The following CYB5R4 variants were observed in gnomAD, a reference collection of about 807,000 sequenced individuals.
The protein encoded by CYB5R4 is N-terminal cytochrome b5 and cytochrome b5 oxidoreductase domain-containing protein.
Under a neutral mutation model 70.2 loss-of-function variants are expected in CYB5R4, and 55 were observed. The observed-to-expected ratio is 0.78, with a 90% CI of 0.63 to 0.98. The LOEUF (loss-of-function observed/expected upper bound fraction) is 0.98. CYB5R4 is among the 50% of genes least tolerant of loss of function. The probability of loss-of-function intolerance (pLI) is 0.00; values close to 1 mark genes in which losing one functional copy is unlikely to be tolerated. For synonymous variants in CYB5R4, 197 were observed against 199.5 expected (o/e 0.99, Z 0.11); for missense variants, 562 against 612.6 (o/e 0.92, Z 0.87).
intron 10 of CYB5R4, among the ~76,000 whole-genome samples, chr6:83,932,115 T>C (rs2099468241): frequency 6.6e-6 from 1 of 152,148 alleles, no homozygotes; most frequent in Admixed American, 6.5e-5. Flanking sequence ...TCTTATCTTA[T>C]ATACTGCAGT....
At chr6:83,907,814 T>C (rs2129137513) in intron 3 of CYB5R4, among the ~76,000 whole-genome samples, 1 of 152,312 alleles carries the variant, frequency 6.6e-6, no homozygotes, top group East Asian at 1.9e-4. Context: ...AATCTTGTTC[T>C]TTTTTATGGC....
intron 2 of CYB5R4, among the ~76,000 whole-genome samples, chr6:83,866,751 G>A (rs2099456775): frequency 6.6e-6 from 1 of 151,972 alleles, no homozygotes; most frequent in Admixed American, 6.6e-5. Flanking sequence ...AAGTAGCTAG[G>A]ATGACAAGTG....
chr6:83,868,668 T>G (rs1231881662), intron 2 of CYB5R4, among the ~76,000 whole-genome samples: 13 of 152,222 alleles, frequency 8.5e-5, no homozygotes, highest in Non-Finnish European at 4.4e-5. Flanking sequence ...TATATTTTTC[T>G]CTCTTGTTTC....
rs1174510367 is a variant in CYB5R4, at chr6:83,961,916, T to C, written c.*2038T>C. 7.7e-6 allele frequency: 1 copy of C among 130,192 alleles called. No individual in the cohort carries two copies. Among genetic ancestry groups the C allele is most frequent in the East Asian group, 1.9e-4 (1 of 5,180 alleles). The allele number at this position is 130,192 out of a possible 1,614,324, so 8.1% of individuals were successfully genotyped here. On this transcript the variant is annotated 3_prime_UTR_variant, in exon 16 of 16. Transcript: ENST00000369681. Reference sequence around the variant, plus strand: ...TTTATATTTTGTTTATATTTTGTTATATTTTATTATATTTTGTTATATTTA... The same window carrying C: ...TTTATATTTTGTTTATATTTTGTTACATTTTATTATATTTTGTTATATTTA...
At chr6:83,889,472 C>T (rs528342122) in intron 2 of CYB5R4, among the ~76,000 whole-genome samples, 1 of 152,270 alleles carries the variant, frequency 6.6e-6, no homozygotes, top group South Asian at 2.1e-4. Context: ...ATAAATGGGA[C>T]AACAAAGCTT....
At chr6:83,915,051 T>G (rs768346365) in intron 5 of CYB5R4, among the ~76,000 whole-genome samples, 18 of 152,140 alleles carry the variant, frequency 1.2e-4, no homozygotes, top group Non-Finnish European at 2.4e-4. Context: ...GTCAGTTTTC[T>G]TAGATGTGAG....
intron 14 of CYB5R4, among the ~76,000 whole-genome samples, chr6:83,947,356 G>A (rs1310137795): frequency 2.0e-5 from 3 of 152,118 alleles, no homozygotes; most frequent in Non-Finnish European, 2.9e-5. Context: ...CTAGCCATAT[G>A]CACAAAACTA....
rs1171191667 is a variant in CYB5R4 at position 83,963,168 on chromosome 6, C to T, written c.*3290C>T. 1 of 152,128 alleles carries T rather than the reference C, an allele frequency of 6.6e-6. No homozygotes were observed. The highest frequency in any genetic ancestry group is 2.4e-5 in the African/African-American group (1 of 41,400). 9.4% of individuals were successfully genotyped at this position (152,128 alleles called of 1,614,324 possible). A position where few individuals can be genotyped will look rare whatever the true frequency, so the allele number is the denominator to read the frequency against. ...TGGGTGTTGACATCTTTGATGGGCACATTGTGTCTACCACAGGCTATAGAA... is the reference window on the plus strand; with the variant it reads ...TGGGTGTTGACATCTTTGATGGGCATATTGTGTCTACCACAGGCTATAGAA... On this transcript the variant is annotated 3_prime_UTR_variant, in exon 16 of 16. Transcript: ENST00000369681.
chr6:83,894,838 C>T (rs1397230558), intron 3 of CYB5R4, among the ~76,000 whole-genome samples: 1 of 152,090 alleles, frequency 6.6e-6, no homozygotes, highest in Non-Finnish European at 1.5e-5. Context: ...TCATCTTCAT[C>T]TTGAGTAGGC....
intron 14 of CYB5R4, among the ~76,000 whole-genome samples, chr6:83,951,973 T>C (rs2099471607): frequency 6.6e-6 from 1 of 152,102 alleles, no homozygotes; most frequent in South Asian, 2.1e-4. Context: ...CCTCTGACAA[T>C]GAAAACACTT....
Position 83,909,080 on chromosome 6 carries a change from T to C in CYB5R4, c.402T>C (p.Ala134=), listed in dbSNP as rs764616977. 1.2e-6 allele frequency: 2 copies of C among 1,613,862 alleles called. No individual in the cohort carries two copies. The highest frequency in any genetic ancestry group is 2.2e-5 in the South Asian group (2 of 91,060). ...CLVGRMAIKP[A]VLKDYREEEK... ...TTGGCAGAATGGCCATTAAACCTGCTGTTCTGAAAGGTAAGTGGTGCTGGT... is the reference window on the plus strand; with the variant it reads ...TTGGCAGAATGGCCATTAAACCTGCCGTTCTGAAAGGTAAGTGGTGCTGGT... Residue 134 remains alanine (A), a synonymous_variant, in exon 4 of 16, where the codon GCT becomes GCC. Transcript: ENST00000369681.
rs1295589672 is a variant in CYB5R4, at chr6:83,965,177, G to T, written c.*5299G>T. ...GTGGAGCTGTGAGAAGAGGACCACT[G>T]TCCTCCAGACCCCAGAATGGTAGAT... On this transcript the variant is annotated 3_prime_UTR_variant, in exon 16 of 16. Transcript: ENST00000369681. 6.6e-6 allele frequency: 1 copy of T among 152,340 alleles called. No individual in the cohort carries two copies. Among genetic ancestry groups the T allele is most frequent in the East Asian group, 1.9e-4 (1 of 5,170 alleles). 9.4% of individuals were successfully genotyped at this position (152,340 alleles called of 1,614,324 possible). A position where few individuals can be genotyped will look rare whatever the true frequency, so the allele number is the denominator to read the frequency against.
chr6:83,940,878 AAAATGTTC>A (rs760406501), intron 14 of CYB5R4, among the ~76,000 whole-genome samples: 4 of 152,162 alleles, frequency 2.6e-5, no homozygotes, highest in Non-Finnish European at 2.9e-5. Flanking sequence ...GGTTTCACTG[AAAATGTTC>A]CAATGTAGCC....
intron 3 of CYB5R4, among the ~76,000 whole-genome samples, chr6:83,898,884 T>C (rs1326735370): frequency 6.6e-5 from 10 of 152,228 alleles, no homozygotes; most frequent in African/African-American, 2.4e-4. Context: ...TGGGGTATTC[T>C]AAATATACAA....
intron 2 of CYB5R4, among the ~76,000 whole-genome samples, chr6:83,879,947 G>A (rs908503245): frequency 3.3e-5 from 5 of 152,186 alleles, no homozygotes; most frequent in African/African-American, 9.6e-5. Context: ...TCAGAGGGGC[G>A]TGTCATCCTT....
chr6:83,944,023 T>C (rs867944865), intron 14 of CYB5R4, among the ~76,000 whole-genome samples: 8 of 152,186 alleles, frequency 5.3e-5, no homozygotes, highest in Middle Eastern at 3.4e-3. Context: ...CCGGATACTA[T>C]CCAAGAGAAC....
chr6:83,954,610 G>A (rs1283744230), intron 14 of CYB5R4, among the ~76,000 whole-genome samples: 1 of 151,726 alleles, frequency 6.6e-6, no homozygotes, highest in Non-Finnish European at 1.5e-5. Context: ...TGTACACAGG[G>A]TTTAGCTCCA....
At chr6:83,890,089 G>T (rs572972217) in intron 2 of CYB5R4, among the ~76,000 whole-genome samples, 16 of 152,264 alleles carry the variant, frequency 1.1e-4, no homozygotes, top group African/African-American at 3.6e-4. Context: ...ATCAATCCAG[G>T]AGCCATCTTG....
intron 2 of CYB5R4, among the ~76,000 whole-genome samples, chr6:83,885,610 A>C (rs921330211): frequency 6.6e-6 from 1 of 152,144 alleles, no homozygotes; most frequent in Non-Finnish European, 1.5e-5. Flanking sequence ...GCATTGTACT[A>C]CCTTTAACCA....
Sources: gnomAD v4.1 joint callset for allele counts (sites outside exome capture counted in the v4.1 genomes callset) on GRCh38, gnomAD v4.1.1 for gene constraint, MANE v1.5 for transcripts, NCBI Gene and HGNC (gene_info 2026-07-23, HGNC 2026-07-21) for gene names.